TYMS: variants seen among roughly 807,000 people sequenced by gnomAD.
TYMS encodes thymidylate synthetase, also known as thymidylate synthase.
Under a neutral mutation model 39.3 loss-of-function variants are expected in TYMS, and 21 were observed. The ratio of observed to expected loss-of-function variants is 0.54; its 90% CI spans 0.38 to 0.77. The LOEUF (loss-of-function observed/expected upper bound fraction) is 0.77. TYMS is among the 30% of genes least tolerant of loss of function. The probability of loss-of-function intolerance (pLI) is 0.00; values close to 1 mark genes in which losing one functional copy is unlikely to be tolerated. For synonymous variants in TYMS, 171 were observed against 162.2 expected, an observed-to-expected ratio of 1.05 and a Z score of -0.41; for missense variants, 273 against 406.7, an observed-to-expected ratio of 0.67 and a Z score of 2.83.
intron 4 of TYMS, 109 bp from the exon 5 acceptor site, chr18:670,583 T>C (rs1369732832): frequency 3.3e-6 from 4 of 1,216,596 alleles, no homozygotes; most frequent in Non-Finnish European, 4.7e-6. Context: ...CTCTCTCTCC[T>C]GGTCTCCACC....
At chr18:668,996 A>T (rs2074922065) in intron 3 of TYMS, 76 bp from the exon 4 acceptor site, 10 of 1,242,146 alleles carry the variant, frequency 8.1e-6, no homozygotes, top group African/African-American at 3.0e-5. Context: ...AGACTGTAAT[A>T]GATGACCTCT....
intron 4 of TYMS, chr18:670,265 G>A (rs2074978967): frequency 6.4e-6 from 1 of 155,828 alleles, no homozygotes; most frequent in Non-Finnish European, 1.4e-5. Flanking sequence ...TTGGCCTCAA[G>A]TGATCTGCCC....
At chr18:664,308 G>A (rs1279501035) in intron 3 of TYMS, among the ~76,000 whole-genome samples, 1 of 150,216 alleles carries the variant, frequency 6.7e-6, no homozygotes, top group Non-Finnish European at 1.5e-5. Flanking sequence ...TCATGATTTG[G>A]CTCTCTGTTT....
intron 3 of TYMS, among the ~76,000 whole-genome samples, chr18:666,139 T>C (rs998102560): frequency 7.9e-5 from 8 of 100,878 alleles, no homozygotes; most frequent in Admixed American, 1.7e-4. Context: ...ATTATTAATG[T>C]GTGGGAGTCT....
chr18:667,607 T>TGGAGATGGA (rs1555639868), intron 3 of TYMS: 1 of 43,728 alleles, frequency 2.3e-5, no homozygotes, highest in Admixed American at 1.7e-4. Flanking sequence ...ATGGTGATGG[T>TGGAGATGGA]GATGGAGATG....
chr18:665,415 A>C (rs1349340771), intron 3 of TYMS, among the ~76,000 whole-genome samples: 2 of 150,702 alleles, frequency 1.3e-5, no homozygotes, highest in South Asian at 4.2e-4. Context: ...CTTTTTCTTT[A>C]TTAGTCTTGC....
Position 673,068 on chromosome 18 carries a change from CT to C in TYMS, c.*76del. The C allele has an allele frequency of 4.9e-6, 7 of 1,422,526 alleles. No homozygotes were observed. Among genetic ancestry groups the C allele is most frequent in the Non-Finnish European group, 4.7e-6 (5 of 1,069,568 alleles). 88.1% of individuals were successfully genotyped at this position (1,422,526 alleles called of 1,614,324 possible). On this transcript the variant is annotated 3_prime_UTR_variant, in exon 7 of 7. Transcript: ENST00000323274. ...TGGGCTGGATGCCGAGGTAAAAGTT[CT>C]TTTTGCTCTAAAAGAAAAAGGAACT...
chr18:665,207 G>A (rs2074797375), intron 3 of TYMS, among the ~76,000 whole-genome samples: 1 of 151,038 alleles, frequency 6.6e-6, no homozygotes, highest in Non-Finnish European at 1.5e-5. Context: ...CCTGTTATTG[G>A]TCTATTCAGA....
rs1237533927 is a variant in TYMS, at chr18:657,769, G to C, written c.27G>C (p.Pro9=). The C allele has an allele frequency of 1.4e-6, 2 of 1,434,664 alleles. No individual in the cohort carries two copies. The highest frequency in any genetic ancestry group is 1.5e-5 in the African/African-American group (1 of 65,690). The allele number at this position is 1,434,664 out of a possible 1,614,324, so 88.9% of individuals were successfully genotyped here. A position where few individuals can be genotyped will look rare whatever the true frequency, so the allele number is the denominator to read the frequency against. MPVAGSEL[P]RRPLPPAAQE... is the part of the protein sequence containing the mutation. ...TGCCTGTGGCCGGCTCGGAGCTGCC[G>C]CGCCGGCCCTTGCCCCCCGCCGCAC... Residue 9 remains proline, a synonymous_variant, in exon 1 of 7, where the codon CCG becomes CCC. Transcript: ENST00000323274.
At chr18:668,300 G>A (rs2847150) in intron 3 of TYMS, among the ~76,000 whole-genome samples, 60,792 of 151,858 alleles carry the variant, frequency 0.4, 13,369 homozygotes, top group East Asian at 0.68. Flanking sequence ...AAAATTTTGA[G>A]AACTACTGAA....
At chr18:659,945 A>G (rs1361617703) in intron 2 of TYMS, among the ~76,000 whole-genome samples, 2 of 152,140 alleles carry the variant, frequency 1.3e-5, no homozygotes, top group Admixed American at 1.3e-4. Flanking sequence ...GTGCTGGTGC[A>G]TGTCTGTAAT....
intron 5 of TYMS, 97 bp from the exon 6 acceptor site, chr18:671,283 A>AT: frequency 1.2e-6 from 1 of 851,302 alleles, no homozygotes; most frequent in Non-Finnish European, 2.0e-6. Context: ...TTTTTTTAAA[A>AT]AAAGCCTTGC....
At chr18:670,913 C>T in intron 5 of TYMS, 46 bp downstream of exon 5, 1 of 1,586,746 alleles carries the variant, frequency 6.3e-7, no homozygotes, top group East Asian at 2.2e-5. Flanking sequence ...CCACACTGAG[C>T]TCTTCAGTTC....
rs868287199 is a variant in TYMS at position 667,547 on chromosome 18, T to A, written c.455-1525T>A. 4.7e-3 allele frequency among the ~76,000 whole-genome samples: 208 copies of A among 43,934 alleles called. 19 individuals are homozygous for A. Among genetic ancestry groups the A allele is most frequent in the Middle Eastern group, 0.017 (1 of 60 alleles). 28.8% of individuals were successfully genotyped at this position (43,934 alleles called of 152,430 possible). A position where few individuals can be genotyped will look rare whatever the true frequency, so the allele number is the denominator to read the frequency against. On this transcript the variant is annotated intron_variant, in intron 3 of 6. Coordinates refer to ENST00000323274, the MANE Select transcript of TYMS (RefSeq NM_001071.4). Reference sequence around the variant, plus strand: ...GTGATGGAGATGGTGATGGTGATGGTGATGGAGATGGTGATGGTGATGGAG... The same window carrying A: ...GTGATGGAGATGGTGATGGTGATGGAGATGGAGATGGTGATGGTGATGGAG...
intron 3 of TYMS, chr18:667,824 G>A (rs955545794): frequency 2.6e-5 from 4 of 152,062 alleles, no homozygotes; most frequent in South Asian, 2.1e-4. Context: ...CAGTCCCCGG[G>A]CTTAATGATG....
intron 4 of TYMS, chr18:669,434 G>A (rs924900673): frequency 3.0e-5 from 10 of 329,590 alleles, no homozygotes; most frequent in Middle Eastern, 1.9e-3. Context: ...ATGCAACGGC[G>A]TGATCTTGGC....
At chr18:668,728 G>GT (rs1026086956) in intron 3 of TYMS, among the ~76,000 whole-genome samples, 2 of 152,240 alleles carry the variant, frequency 1.3e-5, no homozygotes, top group African/African-American at 4.8e-5. Context: ...TAGAGCCTAA[G>GT]TTTGCGAGGA....
intron 3 of TYMS, among the ~76,000 whole-genome samples, chr18:664,284 G>GA (rs1320620218): frequency 1.7e-4 from 25 of 151,124 alleles, no homozygotes; most frequent in African/African-American, 5.9e-4. Context: ...AAGCAATTGT[G>GA]AGTGGAAGTT....
rs192603316 is a variant in TYMS at position 658,590 on chromosome 18, C to T, written c.205+643C>T. 2,717 of 166,306 alleles carry T rather than the reference C, an allele frequency of 0.016. 92 individuals carry two copies. The highest frequency in any genetic ancestry group is 0.076 in the African/African-American group (2,581 of 33,910). 10.3% of individuals were successfully genotyped at this position (166,306 alleles called of 1,614,324 possible). A position where few individuals can be genotyped will look rare whatever the true frequency, so the allele number is the denominator to read the frequency against. On this transcript the variant is annotated intron_variant, in intron 1 of 6. Coordinates refer to ENST00000323274, the MANE Select transcript of TYMS (RefSeq NM_001071.4). The surrounding 1 kb of genome is among the most constrained non-coding windows in gnomAD (Gnocchi z 4.5). ...TCCTTTCCGACAGGAGCACCCCAGG[C>T]AAAAAATGTCTCGCGGGTCATTGGC... is the stretch of plus-strand genomic sequence containing the variant.
Sources: allele counts gnomAD v4.1 joint callset (sites outside exome capture counted in the v4.1 genomes callset), GRCh38; gene constraint gnomAD v4.1.1; non-coding constraint Gnocchi (gnomAD v3.1); transcripts MANE v1.5; gene names NCBI Gene and HGNC (gene_info 2026-07-23, HGNC 2026-07-21).